The following RHOU variants were observed in gnomAD, a reference collection of about 807,000 sequenced individuals.
The protein encoded by RHOU is rho-related GTP-binding protein RhoU.
A neutral mutation model predicts 12.6 loss-of-function variants in RHOU; 8 were observed. The ratio of observed to expected loss-of-function variants is 0.64; its 90% confidence interval spans 0.37 to 1.15. The LOEUF is 1.15. RHOU is among the 50% of genes most tolerant of loss of function. RHOU has a pLI of 0.01. For synonymous variants in RHOU, 161 were observed against 147.4 expected (o/e 1.09, Z -0.67); for missense variants, 258 against 347.0 (o/e 0.74, Z 2.04).
the RHOU span, among the ~76,000 whole-genome samples, chr1:228,726,573 G>A: frequency 1.3e-5 from 2 of 151,838 alleles, no homozygotes; most frequent in East Asian, 1.9e-4. Context: ...GCTGAGGCAG[G>A]AGAATTGCTT....
At chr1:228,730,885 A>G (rs1662482086), upstream of RHOU, among the ~76,000 whole-genome samples, 1 of 152,224 alleles carries the variant, frequency 6.6e-6, no homozygotes, top group Non-Finnish European at 1.5e-5. Flanking sequence ...TTTATATTTA[A>G]TATGATGATG....
the RHOU span, among the ~76,000 whole-genome samples, chr1:228,676,945 A>T: frequency 1.3e-5 from 2 of 152,242 alleles, no homozygotes. Context: ...GTATGCATGC[A>T]GGCCACAGGG....
chr1:228,673,457 G>T, the RHOU span, among the ~76,000 whole-genome samples: 2 of 152,104 alleles, frequency 1.3e-5, no homozygotes, highest in Non-Finnish European at 2.9e-5. Context: ...GTTTGAATTG[G>T]TGTCCCTGCT....
chr1:228,725,396 T>C, the RHOU span, among the ~76,000 whole-genome samples: 1 of 149,592 alleles, frequency 6.7e-6, no homozygotes, highest in African/African-American at 2.5e-5. Context: ...GATGGCCGTG[T>C]GGATGCTGCA....
the RHOU span, among the ~76,000 whole-genome samples, chr1:228,699,559 A>G: frequency 1.3e-5 from 2 of 148,534 alleles, no homozygotes; most frequent in Admixed American, 1.4e-4. Context: ...TCAAGTGATT[A>G]TTTCATAAGA....
chr1:228,660,572 AC>A, the RHOU span, among the ~76,000 whole-genome samples: 1 of 151,756 alleles, frequency 6.6e-6, no homozygotes, highest in Non-Finnish European at 1.5e-5. Context: ...AAAAATCCTC[AC>A]CATACCCTAG....
the RHOU span, among the ~76,000 whole-genome samples, chr1:228,727,577 A>T: frequency 2.6e-5 from 4 of 152,198 alleles, no homozygotes; most frequent in African/African-American, 9.6e-5. Context: ...AAGTCCATAC[A>T]TTCATTCTGA....
chr1:228,667,509 C>A, the RHOU span, among the ~76,000 whole-genome samples: 1 of 152,196 alleles, frequency 6.6e-6, no homozygotes, highest in East Asian at 1.9e-4. Context: ...ATGTAGGATG[C>A]TGGGAACTTC....
the RHOU span, among the ~76,000 whole-genome samples, chr1:228,705,890 A>C: frequency 6.6e-6 from 1 of 152,104 alleles, no homozygotes; most frequent in Non-Finnish European, 1.5e-5. Flanking sequence ...CTAAAAATAC[A>C]AAAAATTAGC....
the RHOU span, chr1:228,687,746 C>T: frequency 7.0e-7 from 1 of 1,423,632 alleles, no homozygotes. Flanking sequence ...CCAACTTGTG[C>T]AAGATGGGAG....
chr1:228,685,558 A>G, the RHOU span, among the ~76,000 whole-genome samples: 2 of 152,134 alleles, frequency 1.3e-5, no homozygotes, highest in Non-Finnish European at 2.9e-5. Flanking sequence ...TTAAAATGGA[A>G]ATCTATTGAG....
chr1:228,670,741 C>T, the RHOU span, among the ~76,000 whole-genome samples: 6 of 152,292 alleles, frequency 3.9e-5, no homozygotes, highest in Non-Finnish European at 8.8e-5. Flanking sequence ...TGGGAGGTGA[C>T]TGGATCATGG....
the RHOU span, among the ~76,000 whole-genome samples, chr1:228,671,100 G>A: frequency 6.6e-6 from 1 of 152,152 alleles, no homozygotes; most frequent in Non-Finnish European, 1.5e-5. Context: ...CACCTCCCGG[G>A]TTCAAGTGAT....
upstream of RHOU, among the ~76,000 whole-genome samples, chr1:228,732,834 A>G (rs992769964): frequency 6.6e-6 from 1 of 152,222 alleles, no homozygotes; most frequent in Non-Finnish European, 1.5e-5. Flanking sequence ...AGAAAAAAAA[A>G]TACAAAATTA....
the RHOU span, among the ~76,000 whole-genome samples, chr1:228,708,379 A>C: frequency 8.6e-5 from 13 of 151,908 alleles, no homozygotes; most frequent in East Asian, 2.3e-3. Context: ...AGTTGAAATG[A>C]AGGAAAAAAT....
the RHOU span, chr1:228,650,999 G>C: frequency 3.1e-6 from 1 of 318,134 alleles, no homozygotes; most frequent in Non-Finnish European, 6.3e-6. Flanking sequence ...GAAAGGCAAG[G>C]TCCTGGTCCA....
chr1:228,670,856 C>T, the RHOU span, among the ~76,000 whole-genome samples: 1 of 152,214 alleles, frequency 6.6e-6, no homozygotes, highest in South Asian at 2.1e-4. Context: ...CTGTCTGTTG[C>T]TCCACTGTGG....
the RHOU span, among the ~76,000 whole-genome samples, chr1:228,695,076 C>T: frequency 5.9e-5 from 9 of 152,060 alleles, no homozygotes; most frequent in Non-Finnish European, 1.2e-4. Context: ...CTCAAATGAT[C>T]CTCCCACATC....
chr1:228,739,244 C>G (rs1237839244), intron 2 of RHOU, among the ~76,000 whole-genome samples: 2 of 152,198 alleles, frequency 1.3e-5, no homozygotes, highest in African/African-American at 4.8e-5. Flanking sequence ...GATGCTTTGT[C>G]TACCAGGGGG....
Sources: gnomAD v4.1 joint callset for allele counts (sites outside exome capture counted in the v4.1 genomes callset) on GRCh38, gnomAD v4.1.1 for gene constraint, MANE v1.5 for transcripts, NCBI Gene and HGNC (gene_info 2026-07-23, HGNC 2026-07-21) for gene names.